RAP1GAP2: variants seen among roughly 807,000 people sequenced by gnomAD.
RAP1GAP2 encodes the protein rap1 GTPase-activating protein 2.
RAP1GAP2 carries 27 observed loss-of-function variants against 95.0 expected under a neutral mutation model. The observed-to-expected ratio is 0.28, with a 90% CI of 0.21 to 0.39. RAP1GAP2 has a LOEUF of 0.39. RAP1GAP2 is among the 10% of genes least tolerant of loss of function. The pLI, the probability that RAP1GAP2 is intolerant of heterozygous loss-of-function variation, is 1.00. For synonymous variants in RAP1GAP2, 373 were observed against 380.9 expected (o/e 0.98, Z 0.24); for missense variants, 771 against 970.0 (o/e 0.79, Z 2.72).
At chr17:2,999,464 A>T (rs1387634303) in intron 14 of RAP1GAP2, among the ~76,000 whole-genome samples, 1 of 152,214 alleles carries the variant, frequency 6.6e-6, no homozygotes, top group East Asian at 1.9e-4. Flanking sequence ...AATATCAGGA[A>T]CCACTGTTCT....
intron 3 of RAP1GAP2, among the ~76,000 whole-genome samples, chr17:2,924,796 G>C (rs548307173): frequency 6.4e-4 from 98 of 152,280 alleles, no homozygotes; most frequent in Non-Finnish European, 1.2e-3. Context: ...TCGTCTTGGA[G>C]CCTATCTCCT....
intron 23 of RAP1GAP2, 63 bp from the exon 24 acceptor site, chr17:3,032,348 G>A (rs193175707): frequency 2.1e-5 from 34 of 1,601,740 alleles, no homozygotes; most frequent in Admixed American, 1.3e-4. Flanking sequence ...GCACAGAGCC[G>A]CCGTGGAAGG....
intron 2 of RAP1GAP2, among the ~76,000 whole-genome samples, chr17:2,894,428 T>C (rs777257656): frequency 1.9e-4 from 29 of 152,240 alleles, no homozygotes; most frequent in Admixed American, 9.8e-4. Context: ...AGACTCCGTT[T>C]CAAAAACAAA....
At chr17:2,925,372 CCTCAGGAAACTTACAAT>C (rs1207223694) in intron 3 of RAP1GAP2, among the ~76,000 whole-genome samples, 3 of 151,986 alleles carry the variant, frequency 2.0e-5, no homozygotes, top group African/African-American at 7.3e-5. Flanking sequence ...GCTGGGGAGG[CCTCAGGAAACTTACAAT>C]CATGAAGGAG....
chr17:2,802,919 G>A (rs1352534558), intron 2 of RAP1GAP2, among the ~76,000 whole-genome samples: 4 of 152,132 alleles, frequency 2.6e-5, no homozygotes, highest in Non-Finnish European at 4.4e-5. Flanking sequence ...TCCCTTCTCT[G>A]GGCTTTAGTT....
At chr17:2,888,652 CTTTTT>C (rs59994615) in intron 2 of RAP1GAP2, among the ~76,000 whole-genome samples, 1 of 104,006 alleles carries the variant, frequency 9.6e-6, no homozygotes, top group Non-Finnish European at 1.9e-5. Context: ...TTTTCTTTTT[CTTTTT>C]TTTTTTTTTT....
intron 2 of RAP1GAP2, among the ~76,000 whole-genome samples, chr17:2,897,087 A>G (rs1420918546): frequency 6.6e-6 from 1 of 152,182 alleles, no homozygotes; most frequent in Non-Finnish European, 1.5e-5. Flanking sequence ...CTATAATCCC[A>G]GCGCTTTGGG....
intron 12 of RAP1GAP2, among the ~76,000 whole-genome samples, chr17:2,992,164 C>CTTTTTT (rs11454789): frequency 7.4e-6 from 1 of 134,768 alleles, no homozygotes; most frequent in South Asian, 2.4e-4. Flanking sequence ...ACAGTCTATG[C>CTTTTTT]TTTTTTTTTT....
intron 1 of RAP1GAP2, among the ~76,000 whole-genome samples, chr17:2,760,580 A>T (rs1044939285): frequency 1.2e-4 from 18 of 151,030 alleles, no homozygotes; most frequent in African/African-American, 3.9e-4. Flanking sequence ...ACCTCAGGTG[A>T]TCCATCGACC....
chr17:3,001,903 G>C (rs1341918742), intron 14 of RAP1GAP2, among the ~76,000 whole-genome samples: 1 of 151,410 alleles, frequency 6.6e-6, no homozygotes, highest in East Asian at 1.9e-4. Flanking sequence ...AAAAATCAGA[G>C]ATCCAAAAAA....
At position 2,962,711 on chromosome 17, in the gene RAP1GAP2, C is replaced by G. The variant is rs762769682; in HGVS notation, c.243C>G (p.Asn81Lys). Reference protein sequence around the residue: ...LEEQKPGPQKNKDDYIPYPSI... With the variant: ...LEEQKPGPQKKKDDYIPYPSI... ...AGCAGAAGCCGGGACCCCAGAAGAA[C>G]AAGGTGGGCTGGGTGGGTGAGGGGG... The change falls in exon 5 of 25, where the codon AAC (asparagine) becomes AAG (lysine). Residue 81 changes from asparagine (N) to lysine (K), a missense_variant. Physicochemically the swap from Asn to Lys is moderately conservative, Grantham distance 94. Transcript: ENST00000254695. 2.1e-5 allele frequency: 33 copies of G among 1,594,688 alleles called. No homozygotes were observed. The highest frequency in any genetic ancestry group is 2.8e-5 in the Non-Finnish European group (33 of 1,172,536).
chr17:2,821,184 CTG>C (rs2070289588), intron 2 of RAP1GAP2, among the ~76,000 whole-genome samples: 1 of 152,074 alleles, frequency 6.6e-6, no homozygotes, highest in African/African-American at 2.4e-5. Flanking sequence ...CACCCTTTTT[CTG>C]TGTCACAAGC....
At chr17:3,013,632 C>CTTTTTTTTTTTTTTTTTT (rs998163717) in intron 17 of RAP1GAP2, among the ~76,000 whole-genome samples, 1 of 78,878 alleles carries the variant, frequency 1.3e-5, no homozygotes, top group Non-Finnish European at 2.2e-5. Context: ...CTTTTCTTTT[C>CTTTTTTTTTTTTTTTTTT]TTTTTTTTTT....
intron 10 of RAP1GAP2, among the ~76,000 whole-genome samples, chr17:2,982,195 A>G (rs781195255): frequency 1.3e-5 from 2 of 152,216 alleles, no homozygotes; most frequent in African/African-American, 2.4e-5. Flanking sequence ...GCTGGAGTGC[A>G]GTGGCGTGAT....
intron 8 of RAP1GAP2, among the ~76,000 whole-genome samples, chr17:2,977,086 G>A (rs1435477123): frequency 4.1e-5 from 6 of 147,362 alleles, no homozygotes; most frequent in African/African-American, 7.5e-5. Flanking sequence ...GCAGTGAGCC[G>A]AGATCCAGCC....
intron 5 of RAP1GAP2, 22 bp downstream of exon 5, chr17:2,962,736 G>T (rs1244548384): frequency 1.9e-6 from 3 of 1,582,304 alleles, no homozygotes; most frequent in Non-Finnish European, 1.7e-6. Context: ...GGGTGAGGGG[G>T]TGGCCAGACG....
At chr17:2,889,216 T>G (rs1290151615) in intron 2 of RAP1GAP2, among the ~76,000 whole-genome samples, 2 of 152,182 alleles carry the variant, frequency 1.3e-5, no homozygotes, top group Non-Finnish European at 2.9e-5. Flanking sequence ...CTCAGGCTCT[T>G]GAGCAGGGAG....
chr17:2,792,528 G>A (rs548987363), upstream of RAP1GAP2, among the ~76,000 whole-genome samples: 1 of 152,336 alleles, frequency 6.6e-6, no homozygotes, highest in East Asian at 1.9e-4. Flanking sequence ...CAGGGCTCAT[G>A]ATGGGCCATG....
intron 3 of RAP1GAP2, among the ~76,000 whole-genome samples, chr17:2,948,816 G>GGGT (rs1457823419): frequency 2.0e-5 from 3 of 152,128 alleles, no homozygotes; most frequent in South Asian, 2.1e-4. Context: ...GGAGGGCACA[G>GGGT]GGTGGTGAGA....
Sources: gnomAD v4.1 joint callset for allele counts (sites outside exome capture counted in the v4.1 genomes callset) on GRCh38, gnomAD v4.1.1 for gene constraint, MANE v1.5 for transcripts, NCBI Gene and HGNC (gene_info 2026-07-23, HGNC 2026-07-21) for gene names.